Variants in TWF2 observed in about 807,000 individuals in gnomAD.
TWF2 encodes twinfilin-2.
TWF2 carries 15 observed loss-of-function variants against 45.1 expected under a neutral mutation model. That is an observed-to-expected ratio of 0.33 (90% CI 0.22 to 0.51). The LOEUF is 0.51. Ranked by LOEUF, TWF2 falls within the 20% of genes least tolerant of loss-of-function variation. The pLI, the probability that TWF2 is intolerant of heterozygous loss-of-function variation, is 0.97. For missense variants in TWF2, 423 were observed against 469.1 expected, an observed-to-expected ratio of 0.90 and a Z score of 0.91; for synonymous variants, 177 against 195.8, an observed-to-expected ratio of 0.90 and a Z score of 0.80.
rs1190753952 is a variant in TWF2 at position 52,231,990 on chromosome 3, T to A, written c.236A>T (p.Gln79Leu). 3.7e-6 allele frequency: 6 copies of A among 1,614,066 alleles called. No individual in the cohort carries two copies. Among genetic ancestry groups the A allele is most frequent in the Non-Finnish European group, 5.1e-6 (6 of 1,179,974 alleles). ...LLYRLDSQNA[Q>L]GFEWLFLAWS... ...GGCGAGGAAGAGCCATTCGAAGCCC[T>A]GAGCATTCTGTGAGTCGAGGCGGTA... is the stretch of plus-strand genomic sequence containing the variant. The change falls in exon 3 of 9, where the codon CAG becomes CTG. Residue 79 changes from glutamine to leucine, a missense_variant. Gln to Leu is a moderately radical substitution (Grantham distance 113). Transcript: ENST00000305533.
chr3:52,236,632 C>T (rs1396005999), intron 1 of TWF2, among the ~76,000 whole-genome samples: 2 of 152,086 alleles, frequency 1.3e-5, no homozygotes, highest in African/African-American at 4.8e-5. Flanking sequence ...GGCGGGGGGG[C>T]CTTTAGGAAA....
intron 1 of TWF2, among the ~76,000 whole-genome samples, chr3:52,236,037 T>A (rs887104711): frequency 6.6e-6 from 1 of 151,844 alleles, no homozygotes; most frequent in South Asian, 2.1e-4. Context: ...GCGGTGGCTC[T>A]CACCTGTAAT....
At chr3:52,238,929 C>G (rs184037715) in intron 1 of TWF2, 63 bp downstream of exon 1, 419 of 1,177,132 alleles carry the variant, frequency 3.6e-4, no homozygotes, top group East Asian at 8.8e-4. Context: ...GGCCGAGAGC[C>G]GGGGGGGGGC....
rs1261715951 is a variant in TWF2, at chr3:52,239,082, G to A, written c.-66C>T. Reference sequence around the variant, plus strand: ...GCTTGACCCTGGCCCGGCAACGCTCGCTGGACCAAGAGAGGTGGAGGATGT... The same window carrying A: ...GCTTGACCCTGGCCCGGCAACGCTCACTGGACCAAGAGAGGTGGAGGATGT... On this transcript the variant is annotated 5_prime_UTR_variant, in exon 1 of 9. Coordinates refer to ENST00000305533, the MANE Select transcript of TWF2 (RefSeq NM_007284.4). 2.4e-5 allele frequency: 37 copies of A among 1,559,734 alleles called. No individual in the cohort carries two copies. The highest frequency in any genetic ancestry group is 1.8e-5 in the Admixed American group (1 of 56,736).
Position 52,229,027 on chromosome 3 carries a change from C to T in TWF2, c.*7G>A, listed in dbSNP as rs1363548978. ...AGTCCACACGTGGCCGGCCCTGCTC[C>T]AGCCTCCTAGCTGTCATCCCCATTT... On this transcript the variant is annotated 3_prime_UTR_variant, in exon 9 of 9. Transcript: ENST00000305533. 6.2e-7 allele frequency: 1 copy of T among 1,610,488 alleles called. No homozygotes were observed. Among genetic ancestry groups the T allele is most frequent in the Non-Finnish European group, 8.5e-7 (1 of 1,179,308 alleles).
chr3:52,236,216 G>A (rs1373989571), intron 1 of TWF2, among the ~76,000 whole-genome samples: 6 of 151,466 alleles, frequency 4.0e-5, no homozygotes, highest in African/African-American at 1.5e-4. Flanking sequence ...CAGGAAAATC[G>A]CTTGAACCCG....
chr3:52,237,688 G>A (rs1699740308), intron 1 of TWF2, among the ~76,000 whole-genome samples: 3 of 152,330 alleles, frequency 2.0e-5, no homozygotes, highest in South Asian at 4.1e-4. Flanking sequence ...CTCCTGTGGG[G>A]CTGAGTCATG....
intron 2 of TWF2, among the ~76,000 whole-genome samples, chr3:52,232,829 C>A (rs925052987): frequency 9.2e-5 from 14 of 152,166 alleles, no homozygotes; most frequent in Admixed American, 6.5e-5. Context: ...CCACCCTGAC[C>A]AACATGGAGA....
chr3:52,235,135 T>C, intron 1 of TWF2, 29 bp from the exon 2 acceptor site: 4 of 1,611,220 alleles, frequency 2.5e-6, no homozygotes, highest in Non-Finnish European at 3.4e-6. Context: ...TGGTGGGGGA[T>C]GAGTGGGCAG....
In TWF2 at chr3:52,231,574, G is replaced by A. The variant is rs1467292225; in HGVS notation, c.283-35C>T. ...AAGGGCCAAACCGTAAGAGGCCTCT[G>A]GGCAGGGCTGCCTCTCCCGGAACAG... is the stretch of plus-strand genomic sequence containing the variant. On this transcript the variant is annotated intron_variant, in intron 3 of 8. Transcript: ENST00000305533. 8 of 1,590,118 alleles carry A rather than the reference G, an allele frequency of 5.0e-6. No individual in the cohort carries two copies. The South Asian group carries it at 7.9e-5, about 16-fold the overall frequency.
Position 52,231,985 on chromosome 3 carries a change from A to G in TWF2, c.241T>C (p.Phe81Leu). The G allele has an allele frequency of 6.2e-7, 1 of 1,614,042 alleles. No individual in the cohort carries two copies. The highest frequency in any genetic ancestry group is 8.5e-7 in the Non-Finnish European group (1 of 1,179,968). ...GACCAGGCGAGGAAGAGCCATTCGA[A>G]GCCCTGAGCATTCTGTGAGTCGAGG... The part of the protein sequence containing the change: ...YRLDSQNAQG[F>L]EWLFLAWSPD... The change falls in exon 3 of 9, where the codon TTC (phenylalanine) becomes CTC (leucine). Residue 81 changes from phenylalanine (F) to leucine (L), a missense_variant. Physicochemically the swap from Phe to Leu is conservative, Grantham distance 22. Transcript: ENST00000305533.
intron 5 of TWF2, 57 bp from the exon 6 acceptor site, chr3:52,231,052 C>T (rs912932823): frequency 1.9e-5 from 31 of 1,609,198 alleles, no homozygotes; most frequent in Non-Finnish European, 2.6e-5. Flanking sequence ...GGGTGTGGCT[C>T]CCAGGCAGCA....
rs1699679825 is a variant in TWF2 at position 52,231,649 on chromosome 3, G to A, written c.283-110C>T. The A allele has an allele frequency of 3.2e-6, 4 of 1,265,108 alleles. No homozygotes were observed. The South Asian group carries it at 5.6e-5, about 18-fold the overall frequency. 78.4% of individuals were successfully genotyped at this position (1,265,108 alleles called of 1,614,324 possible). A position where few individuals can be genotyped will look rare whatever the true frequency, so the allele number is the denominator to read the frequency against. On this transcript the variant is annotated intron_variant, in intron 3 of 8. Coordinates refer to ENST00000305533, the MANE Select transcript of TWF2 (RefSeq NM_007284.4). The stretch of plus-strand genomic sequence containing the variant: ...TGGGCTCACTGCGCTGGCACACCTG[G>A]CAGAGGGCCAGCCCGGGGCCAGGAC...
chr3:52,231,461 G>T lies in TWF2; in HGVS notation c.361C>A (p.Leu121Ile). The change falls in exon 4 of 9, where the codon CTC becomes ATC. Residue 121 changes from leucine to isoleucine, a missense_variant. Leu to Ile is a conservative substitution (Grantham distance 5, BLOSUM62 2). Transcript: ENST00000305533. The part of the protein sequence containing the change: ...EFGGGHIKDE[L>I]FGTVKDDLSF... ...AGGATTACCTTCACAGTCCCGAAGA[G>T]CTCATCCTTGATGTGGCCACCTCCA... is the stretch of plus-strand genomic sequence containing the variant. 6.2e-7 allele frequency: 1 copy of T among 1,614,078 alleles called. No homozygotes were observed.
intron 1 of TWF2, among the ~76,000 whole-genome samples, chr3:52,237,921 G>A (rs552343707): frequency 7.9e-5 from 12 of 152,334 alleles, no homozygotes; most frequent in African/African-American, 1.4e-4. Flanking sequence ...GGCCAAACCC[G>A]CCAGGCTGTC....
intron 2 of TWF2, among the ~76,000 whole-genome samples, chr3:52,234,345 G>A (rs1559441906): frequency 6.6e-6 from 1 of 152,158 alleles, no homozygotes; most frequent in African/African-American, 2.4e-5. Flanking sequence ...TGGAGGAAAG[G>A]TGAAAAAATG....
At chr3:52,235,220 C>T in intron 1 of TWF2, 114 bp from the exon 2 acceptor site, 3 of 1,038,394 alleles carry the variant, frequency 2.9e-6, no homozygotes, top group Non-Finnish European at 2.9e-6. Flanking sequence ...AGGTTAAATA[C>T]AGCCCCCCAT....
intron 8 of TWF2, 84 bp downstream of exon 8, chr3:52,229,577 G>A: frequency 6.4e-7 from 1 of 1,562,672 alleles, no homozygotes. Flanking sequence ...TTCCTGCTCT[G>A]CCGTCATCTC....
At position 52,228,904 on chromosome 3, in the gene TWF2, A is replaced by C; in HGVS notation, c.*130T>G. 7.2e-7 allele frequency: 1 copy of C among 1,395,046 alleles called. No homozygotes were observed. The highest frequency in any genetic ancestry group is 9.6e-7 in the Non-Finnish European group (1 of 1,041,248). The allele number at this position is 1,395,046 out of a possible 1,614,324, so 86.4% of individuals were successfully genotyped here. A position where few individuals can be genotyped will look rare whatever the true frequency, so the allele number is the denominator to read the frequency against. ...AGCCCGGTGGCCCTCGGACGCTGCA[A>C]GTGCGTTCAGCTGCCAGCCCTCCTG... On this transcript the variant is annotated 3_prime_UTR_variant, in exon 9 of 9. Transcript: ENST00000305533.
Sources: gnomAD v4.1 joint callset for allele counts (sites outside exome capture counted in the v4.1 genomes callset) on GRCh38, gnomAD v4.1.1 for gene constraint, MANE v1.5 for transcripts, NCBI Gene and HGNC (gene_info 2026-07-23, HGNC 2026-07-21) for gene names.